Variants in JAZF1 observed in about 807,000 individuals in gnomAD.
The protein encoded by JAZF1 is juxtaposed with another zinc finger protein 1.
In JAZF1, 8 loss-of-function variants were observed where a neutral mutation model predicts 26.4. That is an observed-to-expected ratio of 0.30 (90% CI 0.18 to 0.55). The LOEUF (loss-of-function observed/expected upper bound fraction) is 0.55, where lower values mean the gene tolerates loss of function less well. Ranked by LOEUF, JAZF1 falls within the 20% of genes least tolerant of loss-of-function variation. JAZF1 has a pLI of 0.94. For synonymous variants in JAZF1, 126 were observed against 122.3 expected (o/e 1.03, Z -0.20); for missense variants, 199 against 322.0 (o/e 0.62, Z 2.92).
intron 2 of JAZF1, among the ~76,000 whole-genome samples, chr7:27,941,711 C>T (rs1232151490): frequency 2.6e-5 from 4 of 152,090 alleles, no homozygotes; most frequent in South Asian, 2.1e-4. Flanking sequence ...TAAAACTAGC[C>T]GTAGCAAAAC....
rs570770387 is a variant in JAZF1, at chr7:28,109,456, C to G, written c.115+71007G>C. On this transcript the variant is annotated intron_variant, in intron 1 of 4. Coordinates refer to ENST00000283928, the MANE Select transcript of JAZF1 (RefSeq NM_175061.4). The stretch of plus-strand genomic sequence containing the variant: ...ATTCAGGTAACTGATACGCCGCATG[C>G]CTACATATTTCATCTGATAACCCAT... 2.6e-5 allele frequency among the ~76,000 whole-genome samples: 4 copies of G among 152,280 alleles called. No individual in the cohort carries two copies. The East Asian group carries it at 7.7e-4, about 29-fold the overall frequency.
At chr7:28,004,095 T>C (rs1022593790) in intron 1 of JAZF1, among the ~76,000 whole-genome samples, 1 of 152,104 alleles carries the variant, frequency 6.6e-6, no homozygotes, top group African/African-American at 2.4e-5. Flanking sequence ...CTAAGAATAA[T>C]CTAGTGTAGA....
At chr7:28,116,150 T>C (rs1294338661) in intron 1 of JAZF1, among the ~76,000 whole-genome samples, 1 of 152,240 alleles carries the variant, frequency 6.6e-6, no homozygotes, top group Non-Finnish European at 1.5e-5. Context: ...CAGATGTATC[T>C]GCAGGAGTAA....
chr7:27,978,452 A>C (rs1319562633), intron 2 of JAZF1, among the ~76,000 whole-genome samples: 1 of 152,228 alleles, frequency 6.6e-6, no homozygotes, highest in Non-Finnish European at 1.5e-5. Context: ...AATTTGATTG[A>C]GTTAGACCAT....
intron 1 of JAZF1, among the ~76,000 whole-genome samples, chr7:28,111,900 A>C (rs958236849): frequency 7.2e-5 from 11 of 152,200 alleles, no homozygotes; most frequent in Non-Finnish European, 1.6e-4. Context: ...CAAGCATCAG[A>C]GTTCAAGGAA....
chr7:27,879,301 C>T (rs1455419221), intron 3 of JAZF1, among the ~76,000 whole-genome samples: 4 of 152,154 alleles, frequency 2.6e-5, no homozygotes, highest in Admixed American at 2.6e-4. Flanking sequence ...TGACATTTAG[C>T]TAGCTTCAAG....
Position 27,951,535 on chromosome 7 carries a change from T to TA in JAZF1, c.188+40373dup, listed in dbSNP as rs140643282. Among the ~76,000 whole-genome samples the TA allele has an allele frequency of 5.1e-3, 781 of 152,322 alleles. 10 individuals are homozygous for TA. Among genetic ancestry groups the TA allele is most frequent in the African/African-American group, 0.017 (689 of 41,562 alleles). On this transcript the variant is annotated intron_variant, in intron 2 of 4. Transcript: ENST00000283928. ...TTTCCTGGGCGACCAGATTTGTTTT[T>TA]ATAGCTTCAAGAATCCAGGTGTGTC...
intron 1 of JAZF1, among the ~76,000 whole-genome samples, chr7:28,069,060 C>A (rs560606610): frequency 6.6e-6 from 1 of 152,342 alleles, no homozygotes; most frequent in African/African-American, 2.4e-5. Flanking sequence ...GTCCTCAGTT[C>A]AAGGATCTTC....
At chr7:27,973,117 G>A (rs1785409042) in intron 2 of JAZF1, among the ~76,000 whole-genome samples, 1 of 152,028 alleles carries the variant, frequency 6.6e-6, no homozygotes, top group African/African-American at 2.4e-5. Context: ...GGTGGGGCAG[G>A]GTGGGGTGTT....
intron 1 of JAZF1, among the ~76,000 whole-genome samples, chr7:28,177,769 A>G (rs1283154332): frequency 6.6e-6 from 1 of 152,230 alleles, no homozygotes; most frequent in African/African-American, 2.4e-5. Context: ...AAAAACGATA[A>G]ATACCACATA....
intron 1 of JAZF1, among the ~76,000 whole-genome samples, chr7:28,170,334 GATATGTGTGT>G (rs1183759822): frequency 9.6e-6 from 1 of 104,456 alleles, no homozygotes; most frequent in Admixed American, 1.0e-4. Flanking sequence ...AAGAGAAGTT[GATATGTGTGT>G]GTGTGTGTGT....
At chr7:28,020,759 C>T (rs778963300) in intron 1 of JAZF1, 2 of 465,290 alleles carry the variant, frequency 4.3e-6, no homozygotes, top group South Asian at 1.6e-5. Context: ...GCCTCTGCAG[C>T]CTTGGCTGAG....
intron 1 of JAZF1, among the ~76,000 whole-genome samples, chr7:28,152,308 T>A (rs1366999524): frequency 6.6e-6 from 1 of 152,232 alleles, no homozygotes; most frequent in Non-Finnish European, 1.5e-5. Flanking sequence ...ACTTCACAAG[T>A]ATTCATCTGA....
chr7:27,929,967 T>TCTCC (rs1161265683), intron 2 of JAZF1, among the ~76,000 whole-genome samples: 2 of 150,604 alleles, frequency 1.3e-5, no homozygotes, highest in African/African-American at 2.5e-5. Flanking sequence ...TCTCCCCCTC[T>TCTCC]CTCCCTCCCT....
intron 1 of JAZF1, among the ~76,000 whole-genome samples, chr7:28,084,343 G>T (rs1242750359): frequency 1.3e-5 from 2 of 152,140 alleles, no homozygotes; most frequent in African/African-American, 4.8e-5. Flanking sequence ...AGGCCAACTA[G>T]TGGCTTTGGA....
intron 3 of JAZF1, among the ~76,000 whole-genome samples, chr7:27,859,394 A>T (rs1783334555): frequency 1.3e-5 from 2 of 152,268 alleles, no homozygotes. Flanking sequence ...AAAGGATTAT[A>T]AATCATTCTA....
At chr7:28,092,794 G>A (rs961882378) in intron 1 of JAZF1, among the ~76,000 whole-genome samples, 3 of 151,694 alleles carry the variant, frequency 2.0e-5, no homozygotes, top group Non-Finnish European at 4.4e-5. Context: ...TGGGAAGATC[G>A]AGGCTGCAGT....
At chr7:27,942,383 C>T (rs750698133) in intron 2 of JAZF1, among the ~76,000 whole-genome samples, 68 of 152,206 alleles carry the variant, frequency 4.5e-4, no homozygotes, top group Non-Finnish European at 8.4e-4. Flanking sequence ...AAAGCAAAGA[C>T]GACTCTCTTC....
At chr7:28,159,784 A>C (rs1783251389) in intron 1 of JAZF1, among the ~76,000 whole-genome samples, 1 of 152,152 alleles carries the variant, frequency 6.6e-6, no homozygotes, top group Admixed American at 6.5e-5. Context: ...CCTGGTGTAC[A>C]CATAGCCTAT....
Sources: allele counts gnomAD v4.1 joint callset (sites outside exome capture counted in the v4.1 genomes callset), GRCh38; gene constraint gnomAD v4.1.1; transcripts MANE v1.5; gene names NCBI Gene and HGNC (gene_info 2026-07-23, HGNC 2026-07-21).